The following DNAJB6 variants were observed in gnomAD, a reference collection of about 807,000 sequenced individuals.
DNAJB6 encodes the protein DnaJ heat shock protein family (Hsp40) member B6.
Under a neutral mutation model 42.7 loss-of-function variants are expected in DNAJB6, and 16 were observed. The observed-to-expected ratio is 0.37, with a 90% CI of 0.25 to 0.57. The LOEUF (loss-of-function observed/expected upper bound fraction) is 0.57, where lower values mean the gene tolerates loss of function less well. Ranked by LOEUF, DNAJB6 falls within the 20% of genes least tolerant of loss-of-function variation. The probability of loss-of-function intolerance (pLI) is 0.74; values close to 1 mark genes in which losing one functional copy is unlikely to be tolerated. For missense variants in DNAJB6, 347 were observed against 416.8 expected, an observed-to-expected ratio of 0.83 and a Z score of 1.46; for synonymous variants, 170 against 163.5, an observed-to-expected ratio of 1.04 and a Z score of -0.30.
chr7:157,387,417 T>C (rs1048205288), intron 8 of DNAJB6, among the ~76,000 whole-genome samples: 1 of 152,194 alleles, frequency 6.6e-6, no homozygotes, highest in Admixed American at 6.5e-5. Flanking sequence ...ACTAGCATTG[T>C]GCGATCATAG....
At chr7:157,380,278 A>G (rs906144999) in intron 5 of DNAJB6, 6 of 152,238 alleles carry the variant, frequency 3.9e-5, no homozygotes, top group African/African-American at 9.6e-5. Context: ...TATGGCTGCA[A>G]AGTAGAAAGT....
At chr7:157,353,429 C>A (rs1482037658) in intron 1 of DNAJB6, among the ~76,000 whole-genome samples, 1 of 152,134 alleles carries the variant, frequency 6.6e-6, no homozygotes, top group African/African-American at 2.4e-5. Context: ...GTTGACACCG[C>A]TACAGTATTG....
At chr7:157,406,195 C>T (rs1339020878) in intron 8 of DNAJB6, among the ~76,000 whole-genome samples, 2 of 152,254 alleles carry the variant, frequency 1.3e-5, no homozygotes, top group African/African-American at 4.8e-5. Flanking sequence ...CTGTCCATGC[C>T]GGCAGTGCAC....
intron 9 of DNAJB6, chr7:157,415,663 G>A (rs928713553): frequency 2.8e-5 from 7 of 246,478 alleles, no homozygotes; most frequent in African/African-American, 1.1e-4. Context: ...TAGGTCCCAG[G>A]GTGGGGTTCC....
chr7:157,402,521 A>T (rs2109825), intron 8 of DNAJB6, among the ~76,000 whole-genome samples: 2 of 152,052 alleles, frequency 1.3e-5, no homozygotes. Context: ...CCGTCATGCT[A>T]TGCATGGTGT....
chr7:157,377,220 G>A (rs191559377), intron 5 of DNAJB6, among the ~76,000 whole-genome samples: 3 of 152,228 alleles, frequency 2.0e-5, no homozygotes, highest in Non-Finnish European at 4.4e-5. Context: ...TAATAAGACT[G>A]TTCACAGATG....
rs191230641 is a variant in DNAJB6 at position 157,347,920 on chromosome 7, C to G, written c.-26-10627C>G. On this transcript the variant is annotated intron_variant, in intron 1 of 9. Coordinates refer to ENST00000262177, the MANE Select transcript of DNAJB6 (RefSeq NM_058246.4). ...AAGCGATTCTTCTGCCTCAGCCTCC[C>G]GAGTAGCTGGGATTACAGGTGCACA... 5.8e-3 allele frequency among the ~76,000 whole-genome samples: 827 copies of G among 143,468 alleles called. 13 individuals are homozygous for G. The highest frequency in any genetic ancestry group is 0.02 in the African/African-American group (762 of 38,536). 94.1% of individuals were successfully genotyped at this position (143,468 alleles called of 152,430 possible).
intron 1 of DNAJB6, among the ~76,000 whole-genome samples, chr7:157,345,306 T>C (rs976310957): frequency 2.0e-5 from 3 of 152,024 alleles, no homozygotes; most frequent in African/African-American, 7.2e-5. Context: ...AAATTTTTAT[T>C]TTTTATATAT....
At position 157,340,470 on chromosome 7, in the gene DNAJB6, C is replaced by G. The variant is rs573004330; in HGVS notation, c.-27+3326C>G. ...GGTGAAAACAAGAATATGTTAGAAA[C>G]GATGATGTAGGAATGGAAAAACGAC... On this transcript the variant is annotated intron_variant, in intron 1 of 9. Coordinates refer to ENST00000262177, the MANE Select transcript of DNAJB6 (RefSeq NM_058246.4). Among the ~76,000 whole-genome samples the G allele has an allele frequency of 2.1e-4, 31 of 150,580 alleles. No individual in the cohort carries two copies. The South Asian group carries it at 6.5e-3, about 31-fold the overall frequency.
chr7:157,405,945 T>C (rs980132530), intron 8 of DNAJB6, among the ~76,000 whole-genome samples: 1 of 152,226 alleles, frequency 6.6e-6, no homozygotes, highest in Non-Finnish European at 1.5e-5. Flanking sequence ...CAGTGCAGGT[T>C]AGAACCTTGG....
intron 6 of DNAJB6, among the ~76,000 whole-genome samples, chr7:157,383,252 C>T (rs116075041): frequency 0.011 from 1,679 of 152,218 alleles, 30 homozygotes; most frequent in East Asian, 0.06. Flanking sequence ...TGGATCCACC[C>T]GTCTTGGCCT....
At chr7:157,339,603 G>C (rs1345442708) in intron 1 of DNAJB6, among the ~76,000 whole-genome samples, 1 of 24,824 alleles carries the variant, frequency 4.0e-5, no homozygotes, top group Non-Finnish European at 7.5e-5. Flanking sequence ...CCGGCCTTTT[G>C]TGTGTGTGTG....
At position 157,391,266 on chromosome 7, in the gene DNAJB6, T is replaced by C. The variant is rs142703204; in HGVS notation, c.691+5655T>C. ...GAGACACGTTTCGTACACACATTTCTGCCAAATTGAGAACTTTGCTGCTCG... is the reference window on the plus strand; with the variant it reads ...GAGACACGTTTCGTACACACATTTCCGCCAAATTGAGAACTTTGCTGCTCG... On this transcript the variant is annotated intron_variant, in intron 8 of 9. Transcript: ENST00000262177. Among the ~76,000 whole-genome samples the C allele has an allele frequency of 4.3e-3, 648 of 152,342 alleles. 5 individuals are homozygous for C. The highest frequency in any genetic ancestry group is 0.015 in the African/African-American group (617 of 41,576).
intron 8 of DNAJB6, among the ~76,000 whole-genome samples, chr7:157,399,965 G>A (rs2240992): frequency 0.55 from 83,703 of 152,038 alleles, 24,204 homozygotes; most frequent in African/African-American, 0.75. Context: ...CGCCGCACCC[G>A]GCCTGTATTT....
Position 157,409,918 on chromosome 7 carries a change from C to G in DNAJB6, c.815C>G (p.Ala272Gly). The change falls in exon 9 of 10, where the codon GCG becomes GGG. Residue 272 changes from alanine to glycine, a missense_variant. Around this residue, in one of 3 missense-constraint regions of DNAJB6, gnomAD observed 264 missense variants for 288.0 expected, o/e 0.92. Transcript: ENST00000262177. ...PPRPASLLRH[A>G]PHCLSEEEGE... ...CGGCCTGCCTCGCTGCTGAGACACG[C>G]GCCTCACTGTCTCTCTGAGGAGGAG... 2 of 1,535,686 alleles carry G rather than the reference C, an allele frequency of 1.3e-6. No homozygotes were observed. The highest frequency in any genetic ancestry group is 1.7e-6 in the Non-Finnish European group (2 of 1,145,936).
At chr7:157,413,312 T>G (rs1162303711) in intron 9 of DNAJB6, 6 of 152,098 alleles carry the variant, frequency 3.9e-5, no homozygotes, top group Admixed American at 3.9e-4. Flanking sequence ...ATAAAGCAGG[T>G]CCTTTGTTTT....
chr7:157,356,536 C>T (rs1033493906), intron 1 of DNAJB6, among the ~76,000 whole-genome samples: 8 of 152,176 alleles, frequency 5.3e-5, no homozygotes, highest in Non-Finnish European at 1.0e-4. Flanking sequence ...TCTTTCATAA[C>T]TAGGGGTTCC....
rs1004723016 is a variant in DNAJB6, at chr7:157,337,046, G to C, written c.-125G>C. ...AAGGAGAGAAAGGAAAGCGCGAGGA[G>C]CCGCCGCCACCACCAGCGCAGCAGT... On this transcript the variant is annotated 5_prime_UTR_variant, in exon 1 of 10. Transcript: ENST00000262177. 6.6e-6 allele frequency: 1 copy of C among 152,170 alleles called. No individual in the cohort carries two copies. The highest frequency in any genetic ancestry group is 2.4e-5 in the African/African-American group (1 of 41,262). 9.4% of individuals were successfully genotyped at this position (152,170 alleles called of 1,614,324 possible). A position where few individuals can be genotyped will look rare whatever the true frequency, so the allele number is the denominator to read the frequency against.
At chr7:157,415,904 C>T (rs1796096758) in intron 9 of DNAJB6, 112 bp from the exon 10 acceptor site, 4 of 1,583,434 alleles carry the variant, frequency 2.5e-6, no homozygotes, top group Non-Finnish European at 2.6e-6. Context: ...TAGATGACTT[C>T]ATTTTGTTGC....
Sources: allele counts gnomAD v4.1 joint callset (sites outside exome capture counted in the v4.1 genomes callset), GRCh38; gene constraint gnomAD v4.1.1; regional missense constraint gnomAD v4.1.1; transcripts MANE v1.5; gene names NCBI Gene and HGNC (gene_info 2026-07-23, HGNC 2026-07-21).